The following ADAMTSL1 variants were observed in gnomAD, a reference collection of about 807,000 sequenced individuals.
The protein encoded by ADAMTSL1 is ADAMTS like 1.
A neutral mutation model predicts 201.8 loss-of-function variants in ADAMTSL1; 126 were observed. The observed-to-expected ratio is 0.62, with a 90% CI of 0.54 to 0.72. The LOEUF (loss-of-function observed/expected upper bound fraction) is 0.72, where lower values mean the gene tolerates loss of function less well. Ranked by LOEUF, ADAMTSL1 falls within the 30% of genes least tolerant of loss-of-function variation. The pLI, the probability that ADAMTSL1 is intolerant of heterozygous loss-of-function variation, is 0.00. For missense variants in ADAMTSL1, 2,679 were observed against 2,277.8 expected, an observed-to-expected ratio of 1.18 and a Z score of -3.59; for synonymous variants, 1,121 against 903.4, an observed-to-expected ratio of 1.24 and a Z score of -4.32.
intron 2 of ADAMTSL1, among the ~76,000 whole-genome samples, chr9:18,518,425 ATT>A (rs1587437477): frequency 6.6e-6 from 1 of 152,138 alleles, no homozygotes; most frequent in Non-Finnish European, 1.5e-5. Context: ...TTCTGAGTTA[ATT>A]CACTTAGGAT....
chr9:18,503,421 G>GTGTATATATATATAGATATATA (rs376466829), intron 1 of ADAMTSL1, among the ~76,000 whole-genome samples: 1 of 115,274 alleles, frequency 8.7e-6, no homozygotes, highest in Non-Finnish European at 1.9e-5. Flanking sequence ...ATTCCATTGT[G>GTGTATATATATATAGATATATA]TATATATATA....
chr9:18,626,874 TCTTC>T (rs144729108), intron 5 of ADAMTSL1, among the ~76,000 whole-genome samples: 11,445 of 112,594 alleles, frequency 0.1, 583 homozygotes, highest in East Asian at 0.25. Flanking sequence ...TTTCTGTCTT[TCTTC>T]CTTCCTTCCT....
intron 13 of ADAMTSL1, among the ~76,000 whole-genome samples, chr9:18,693,082 C>G (rs954192790): frequency 6.6e-6 from 1 of 151,960 alleles, no homozygotes; most frequent in African/African-American, 2.4e-5. Flanking sequence ...AAAAAGTAGA[C>G]AAAAAAGACA....
At chr9:18,616,589 T>C (rs1587714663) in intron 4 of ADAMTSL1, among the ~76,000 whole-genome samples, 3 of 152,326 alleles carry the variant, frequency 2.0e-5, no homozygotes, top group Admixed American at 2.0e-4. Context: ...GCATACATTT[T>C]CTAAAAGATC....
At chr9:18,309,082 A>G (rs534451901) in intron 2 of ADAMTSL1, among the ~76,000 whole-genome samples, 2 of 152,332 alleles carry the variant, frequency 1.3e-5, no homozygotes, top group Admixed American at 1.3e-4. Context: ...CAATGACAAA[A>G]ACCACATGAT....
At chr9:18,336,896 C>A (rs1835263761) in intron 2 of ADAMTSL1, among the ~76,000 whole-genome samples, 1 of 152,136 alleles carries the variant, frequency 6.6e-6, no homozygotes, top group South Asian at 2.1e-4. Flanking sequence ...TAATAAATAT[C>A]ATGACTATGC....
chr9:18,872,581 A>G (rs1774684952), intron 23 of ADAMTSL1, among the ~76,000 whole-genome samples: 1 of 152,124 alleles, frequency 6.6e-6, no homozygotes, highest in South Asian at 2.1e-4. Flanking sequence ...GTGAGAACAT[A>G]AAATGTTTGG....
chr9:18,179,305 G>A (rs1828337341), intron 2 of ADAMTSL1, among the ~76,000 whole-genome samples: 1 of 152,170 alleles, frequency 6.6e-6, no homozygotes, highest in Non-Finnish European at 1.5e-5. Flanking sequence ...ATGAAATGAA[G>A]CGAGAAGGGA....
intron 23 of ADAMTSL1, among the ~76,000 whole-genome samples, chr9:18,851,679 C>T (rs1023836165): frequency 1.3e-5 from 2 of 152,186 alleles, no homozygotes; most frequent in Middle Eastern, 3.2e-3. Flanking sequence ...TCTTCTGATT[C>T]TTCCCTTGGG....
intron 2 of ADAMTSL1, among the ~76,000 whole-genome samples, chr9:18,364,282 A>G (rs1275875739): frequency 6.6e-6 from 1 of 152,126 alleles, no homozygotes; most frequent in African/African-American, 2.4e-5. Context: ...GAACATCCTA[A>G]TCTTCCTTGT....
At chr9:18,737,949 C>T (rs765786610) in intron 15 of ADAMTSL1, among the ~76,000 whole-genome samples, 1 of 152,162 alleles carries the variant, frequency 6.6e-6, no homozygotes, top group Non-Finnish European at 1.5e-5. Flanking sequence ...TTGAGCAAGT[C>T]ATTTAACCCC....
chr9:18,601,968 A>G (rs1824690729), intron 4 of ADAMTSL1, among the ~76,000 whole-genome samples: 1 of 152,128 alleles, frequency 6.6e-6, no homozygotes, highest in Admixed American at 6.6e-5. Context: ...ATCTTTTCCT[A>G]TAACAGGAAA....
At chr9:18,629,909 C>A (rs186197242) in intron 5 of ADAMTSL1, among the ~76,000 whole-genome samples, 2 of 152,202 alleles carry the variant, frequency 1.3e-5, no homozygotes, top group African/African-American at 4.8e-5. Flanking sequence ...ACTTATGGAA[C>A]ACCATTATAG....
At chr9:17,990,791 G>C (rs1201602166) in intron 1 of ADAMTSL1, among the ~76,000 whole-genome samples, 6 of 151,982 alleles carry the variant, frequency 3.9e-5, no homozygotes, top group Non-Finnish European at 8.8e-5. Context: ...GTTACCCAGT[G>C]ACTGATGATT....
At chr9:18,810,776 G>A (rs1266388134) in intron 20 of ADAMTSL1, among the ~76,000 whole-genome samples, 2 of 152,012 alleles carry the variant, frequency 1.3e-5, no homozygotes, top group Non-Finnish European at 2.9e-5. Flanking sequence ...ACAGGACTTC[G>A]ACTTCTGGAA....
At chr9:18,565,022 T>C (rs1821786423) in intron 3 of ADAMTSL1, among the ~76,000 whole-genome samples, 1 of 152,214 alleles carries the variant, frequency 6.6e-6, no homozygotes, top group African/African-American at 2.4e-5. Context: ...AATGAACTTT[T>C]AAAGCTAAAT....
chr9:18,673,425 A>G lies in ADAMTSL1; in HGVS notation c.1086-2432A>G, dbSNP rs543866548. Among the ~76,000 whole-genome samples the G allele has an allele frequency of 2.0e-5, 3 of 152,372 alleles. No individual in the cohort carries two copies. In the South Asian group the frequency reaches 6.2e-4, roughly 32 times the overall value. ...ATAGCTTTCTGTTTTCACAGGTGCT[A>G]CAGAGTCACTTTATGAGTCTTCACC... is the stretch of plus-strand genomic sequence containing the variant. On this transcript the variant is annotated intron_variant, in intron 9 of 28. Transcript: ENST00000380548.
At chr9:18,405,384 C>A (rs1818147645) in intron 2 of ADAMTSL1, among the ~76,000 whole-genome samples, 1 of 152,076 alleles carries the variant, frequency 6.6e-6, no homozygotes, top group Non-Finnish European at 1.5e-5. Context: ...AAATGGAAGA[C>A]AATAGTGATG....
At chr9:18,856,460 ATTTT>A (rs398010404) in intron 23 of ADAMTSL1, among the ~76,000 whole-genome samples, 4 of 112,010 alleles carry the variant, frequency 3.6e-5, no homozygotes, top group Admixed American at 3.2e-4. Context: ...GATAAGAAGG[ATTTT>A]TTTTTTTTTT....
Sources: gnomAD v4.1 joint callset for allele counts (sites outside exome capture counted in the v4.1 genomes callset) on GRCh38, gnomAD v4.1.1 for gene constraint, MANE v1.5 for transcripts, NCBI Gene and HGNC (gene_info 2026-07-23, HGNC 2026-07-21) for gene names.